Variants in DDHD1 observed in about 807,000 individuals in gnomAD.
The protein encoded by DDHD1 is phospholipase DDHD1.
A neutral mutation model predicts 96.4 loss-of-function variants in DDHD1; 49 were observed. The observed-to-expected ratio is 0.51, with a 90% confidence interval of 0.40 to 0.64. DDHD1 has a LOEUF of 0.64. Ranked by LOEUF, DDHD1 falls within the 30% of genes least tolerant of loss-of-function variation. The probability of loss-of-function intolerance (pLI) is 0.00; values close to 1 mark genes in which losing one functional copy is unlikely to be tolerated. For synonymous variants in DDHD1, 442 were observed against 446.5 expected, an observed-to-expected ratio of 0.99 and a Z score of 0.13; for missense variants, 1,106 against 1,161.2, an observed-to-expected ratio of 0.95 and a Z score of 0.69.
rs1422408496 is a variant in DDHD1, at chr14:53,051,830, G to A, written c.2521+14C>T. On this transcript the variant is annotated intron_variant, in intron 12 of 12. Transcript: ENST00000673822. ...TTATAGTATTCTGAATGCTATTCCT[G>A]ACATATACCATACCGAGGGCATTAT... 3 of 1,563,962 alleles carry A rather than the reference G, an allele frequency of 1.9e-6. No homozygotes were observed. The South Asian group carries it at 3.5e-5, about 18-fold the overall frequency.
chr14:53,118,418 A>C lies in DDHD1; in HGVS notation c.839-14562T>G, dbSNP rs148072213. On this transcript the variant is annotated intron_variant, in intron 1 of 12. Transcript: ENST00000673822. ...CAAGAAAGCTAAAAACCTTGAAAAA[A>C]GATTAGATGAATGGCTAACAAGAAT... Among the ~76,000 whole-genome samples, 316 of 152,320 alleles carry C rather than the reference A, an allele frequency of 2.1e-3. 1 individual carries two copies. The highest frequency in any genetic ancestry group is 7.2e-3 in the African/African-American group (299 of 41,566).
At chr14:53,094,488 C>T (rs1886706387) in intron 2 of DDHD1, among the ~76,000 whole-genome samples, 1 of 152,096 alleles carries the variant, frequency 6.6e-6, no homozygotes, top group Non-Finnish European at 1.5e-5. Flanking sequence ...ATCACTGGAG[C>T]CCAGGAGTTT....
chr14:53,054,716 G>T, intron 10 of DDHD1, 87 bp from the exon 11 acceptor site: 1 of 1,317,406 alleles, frequency 7.6e-7, no homozygotes, highest in Non-Finnish European at 1.1e-6. Context: ...TAGCCAACTG[G>T]CAGAGGGACC....
rs1008035109 is a variant in DDHD1 at position 53,137,093 on chromosome 14, T to C, written c.838+15168A>G. Reference sequence around the variant, plus strand: ...GAAGAAAACAGAAGATACAAAAAAATACCTAAAATGAACTTCTAGAGATGA... The same window carrying C: ...GAAGAAAACAGAAGATACAAAAAAACACCTAAAATGAACTTCTAGAGATGA... On this transcript the variant is annotated intron_variant, in intron 1 of 12. Transcript: ENST00000673822. Among the ~76,000 whole-genome samples, 2 of 151,888 alleles carry C rather than the reference T, an allele frequency of 1.3e-5. 1 individual carries two copies. The highest frequency in any genetic ancestry group is 1.3e-4 in the Admixed American group (2 of 15,254).
chr14:53,108,704 G>A (rs573079900), intron 1 of DDHD1, among the ~76,000 whole-genome samples: 2 of 152,324 alleles, frequency 1.3e-5, no homozygotes, highest in South Asian at 2.1e-4. Flanking sequence ...GTAGTCTCCC[G>A]AGATGGCTTT....
intron 4 of DDHD1, among the ~76,000 whole-genome samples, chr14:53,082,276 C>G (rs1033708757): frequency 2.0e-5 from 3 of 151,986 alleles, no homozygotes; most frequent in Admixed American, 2.0e-4. Flanking sequence ...TACTGTACAA[C>G]TGAGGATCAT....
chr14:53,122,582 GTTTTT>G, intron 1 of DDHD1, among the ~76,000 whole-genome samples: 1 of 143,844 alleles, frequency 7.0e-6, no homozygotes, highest in East Asian at 2.0e-4. Context: ...TCTGCTAATA[GTTTTT>G]TTTTTTTTTT....
chr14:53,064,088 CTAAT>C (rs1883819447), intron 6 of DDHD1, among the ~76,000 whole-genome samples: 1 of 151,936 alleles, frequency 6.6e-6, no homozygotes, highest in Non-Finnish European at 1.5e-5. Flanking sequence ...AAGTAAAACT[CTAAT>C]TAACATAGTT....
At chr14:53,135,986 C>G (rs112207692) in intron 1 of DDHD1, among the ~76,000 whole-genome samples, 3 of 152,206 alleles carry the variant, frequency 2.0e-5, no homozygotes, top group African/African-American at 4.8e-5. Context: ...TGAAGATCCA[C>G]AAAAGTGAAA....
intron 1 of DDHD1, among the ~76,000 whole-genome samples, chr14:53,124,970 CGTGTGTGG>C (rs539785173): frequency 1.1e-3 from 162 of 152,110 alleles, no homozygotes; most frequent in African/African-American, 3.6e-3. Flanking sequence ...CTTTCCTCTG[CGTGTGTGG>C]GTGTGTGGGT....
At chr14:53,149,089 T>C (rs955373457) in intron 1 of DDHD1, among the ~76,000 whole-genome samples, 5 of 152,044 alleles carry the variant, frequency 3.3e-5, no homozygotes, top group African/African-American at 9.7e-5. Flanking sequence ...TTTTTTCATA[T>C]GTAATAATAT....
chr14:53,073,816 T>C lies in DDHD1; in HGVS notation c.1321A>G (p.Arg441Gly), dbSNP rs766121321. Reference sequence around the variant, plus strand: ...TGTGTTGCATGGTTGGAAAAATGCCTTTCTTCTATTTTTCTTGCAGCTTCT... The same window carrying C: ...TGTGTTGCATGGTTGGAAAAATGCCCTTCTTCTATTTTTCTTGCAGCTTCT... ...MREAARKIEERHFSNHATHVE... is the reference protein window; with the variant it reads ...MREAARKIEEGHFSNHATHVE... Residue 441 changes from arginine (R) to glycine (G), a missense_variant, in exon 5 of 13, where the codon AGG becomes GGG. This residue lies in a region of DDHD1 where 650 missense variants were observed against 758.8 expected (regional missense o/e 0.86). Transcript: ENST00000673822. 13 of 1,611,030 alleles carry C rather than the reference T, an allele frequency of 8.1e-6. No individual in the cohort carries two copies. The highest frequency in any genetic ancestry group is 1.3e-5 in the African/African-American group (1 of 74,764).
intron 11 of DDHD1, 148 bp downstream of exon 11, chr14:53,054,290 C>T: frequency 3.2e-6 from 2 of 632,052 alleles, no homozygotes; most frequent in Non-Finnish European, 5.1e-6. Context: ...AAAATATAAG[C>T]AGAAGGAAAG....
At chr14:53,132,661 A>G (rs1566596231) in intron 1 of DDHD1, among the ~76,000 whole-genome samples, 1 of 152,216 alleles carries the variant, frequency 6.6e-6, no homozygotes, top group Non-Finnish European at 1.5e-5. Context: ...ACATGGGCAG[A>G]AAGAGGTTTC....
At chr14:53,135,616 T>C (rs1890177587) in intron 1 of DDHD1, among the ~76,000 whole-genome samples, 1 of 152,132 alleles carries the variant, frequency 6.6e-6, no homozygotes, top group Admixed American at 6.6e-5. Context: ...CACTAAAGAG[T>C]TGTCCATTTT....
intron 2 of DDHD1, among the ~76,000 whole-genome samples, chr14:53,095,223 CTTGAT>C (rs1280513328): frequency 1.4e-4 from 21 of 152,120 alleles, no homozygotes; most frequent in Admixed American, 9.8e-4. Flanking sequence ...AATCACTATG[CTTGAT>C]TTATTTTCTT....
chr14:53,092,739 G>C (rs1331507759), intron 3 of DDHD1: 1 of 152,394 alleles, frequency 6.6e-6, no homozygotes, highest in Non-Finnish European at 1.5e-5. Context: ...TAGTTACTGA[G>C]GAGGCTGAGT....
chr14:53,055,529 A>AG, intron 10 of DDHD1, 131 bp downstream of exon 10: 1 of 850,212 alleles, frequency 1.2e-6, no homozygotes, highest in Non-Finnish European at 1.8e-6. Flanking sequence ...GAACATTGGG[A>AG]GGGTAGTTAA....
chr14:53,080,499 TC>T (rs1176545419), intron 4 of DDHD1, among the ~76,000 whole-genome samples: 1 of 152,188 alleles, frequency 6.6e-6, no homozygotes, highest in Admixed American at 6.5e-5. Context: ...ATATTAAGAA[TC>T]CTTCATCTGT....
Sources: allele counts gnomAD v4.1 joint callset (sites outside exome capture counted in the v4.1 genomes callset), GRCh38; gene constraint gnomAD v4.1.1; regional missense constraint gnomAD v4.1.1; transcripts MANE v1.5; gene names NCBI Gene and HGNC (gene_info 2026-07-23, HGNC 2026-07-21).